Variants in USH1C observed in about 807,000 individuals in gnomAD.
The protein encoded by USH1C is harmonin.
USH1C carries 90 observed loss-of-function variants against 119.3 expected under a neutral mutation model. That is an observed-to-expected ratio of 0.75 (90% CI 0.64 to 0.90). USH1C has a LOEUF of 0.90. Ranked by LOEUF, USH1C falls within the 40% of genes least tolerant of loss-of-function variation. The pLI is 0.00. For synonymous variants in USH1C, 465 were observed against 443.3 expected, an observed-to-expected ratio of 1.05 and a Z score of -0.62; for missense variants, 1,165 against 1,167.7, an observed-to-expected ratio of 1.00 and a Z score of 0.03.
In USH1C at chr11:17,509,571, G is replaced by C. The variant is rs759687458; in HGVS notation, c.1798C>G (p.Pro600Ala). Residue 600 changes from proline to alanine, a missense_variant, in exon 18 of 27, where the codon CCA (proline) becomes GCA (alanine). By Grantham distance (27) the Pro-to-Ala change is conservative. Transcript: ENST00000005226. The stretch of plus-strand genomic sequence containing the variant: ...GGGGGAGGGATGGGAATGGGGGGTG[G>C]AGTGCGCTGCACCCATGGAGAGGAT... The part of the protein sequence containing the change: ...ASSSPWVQRT[P>A]PPIPIPPPPS... The C allele has an allele frequency of 1.2e-5, 19 of 1,597,980 alleles. No individual in the cohort carries two copies. The South Asian group carries it at 1.2e-4, about 10-fold the overall frequency.
rs75165004 is a variant in USH1C at position 17,524,157 on chromosome 11, G to A, written c.759+294C>T. On this transcript the variant is annotated intron_variant, in intron 9 of 26. Transcript: ENST00000005226. The stretch of plus-strand genomic sequence containing the variant: ...TTAACCCTCAGCATTCTTGTGAAGT[G>A]TAAAGGGCATGGAACAATGTCTGAT... 0.1 allele frequency among the ~76,000 whole-genome samples: 15,520 copies of A among 152,204 alleles called. 1,041 individuals are homozygous for A. Among genetic ancestry groups the A allele is most frequent in the African/African-American group, 0.19 (7,765 of 41,512 alleles).
Position 17,501,508 on chromosome 11 carries a change from C to G in USH1C, c.2254G>C (p.Asp752His), listed in dbSNP as rs766976437. The change falls in exon 22 of 27, where the codon GAT becomes CAT. Residue 752 changes from aspartate to histidine, a missense_variant. Coordinates refer to ENST00000005226, the MANE Select transcript of USH1C (RefSeq NM_153676.4). ...MFTPEQIMGKDVRLLRIKKEG... is the reference protein window; with the variant it reads ...MFTPEQIMGKHVRLLRIKKEG... Reference sequence around the variant, plus strand: ...TTCTTGATGCGTAGGAGCCGGACATCCTTCCCCATGATCTGCTCTGGGGTG... The same window carrying G: ...TTCTTGATGCGTAGGAGCCGGACATGCTTCCCCATGATCTGCTCTGGGGTG... 2.0e-5 allele frequency: 32 copies of G among 1,613,168 alleles called. No homozygotes were observed. In the South Asian group the frequency reaches 3.3e-4, roughly 17 times the overall value.
At chr11:17,527,416 G>C in intron 4 of USH1C, 85 bp from the exon 5 acceptor site, 1 of 1,108,858 alleles carries the variant, frequency 9.0e-7, no homozygotes, top group Non-Finnish European at 1.4e-6. Context: ...CTCCCGGACT[G>C]CTCTCCGGAA....
At chr11:17,520,789 T>A in intron 14 of USH1C, 81 bp downstream of exon 14, 1 of 1,536,328 alleles carries the variant, frequency 6.5e-7, no homozygotes, top group Non-Finnish European at 9.0e-7. Context: ...GCTATCCATC[T>A]AGGAGGTGGT....
At chr11:17,533,796 C>T (rs1054273481) in intron 1 of USH1C, 1 of 456,930 alleles carries the variant, frequency 2.2e-6, no homozygotes. Context: ...ATGCCACTCT[C>T]CAGAAGCCCC....
chr11:17,495,795 T>C, intron 25 of USH1C, 118 bp from the exon 26 acceptor site: 1 of 1,128,374 alleles, frequency 8.9e-7, no homozygotes, highest in Non-Finnish European at 1.3e-6. Context: ...GCCCCTGGGT[T>C]CCAGAATTAG....
Position 17,523,221 on chromosome 11 carries a change from A to G in USH1C, c.866T>C (p.Val289Ala), listed in dbSNP as rs1284669359. The change falls in exon 11 of 27, where the codon GTA becomes GCA. Residue 289 changes from valine (V) to alanine (A), a missense_variant. By Grantham distance (64) the Val-to-Ala change is moderately conservative. Coordinates refer to ENST00000005226, the MANE Select transcript of USH1C (RefSeq NM_153676.4). ...TCATTCTGGACTTACAGCTGCAGCT[A>G]CAATGGAGATGGTCAGGCTGCGGCT... The part of the protein sequence containing the change: ...KSSRSLTISI[V>A]AAAGRELFMT... 6.2e-7 allele frequency: 1 copy of G among 1,614,042 alleles called. No homozygotes were observed. Among genetic ancestry groups the G allele is most frequent in the African/African-American group, 1.3e-5 (1 of 74,954 alleles).
At chr11:17,499,242 G>A (rs1026572952) in intron 23 of USH1C, among the ~76,000 whole-genome samples, 3 of 152,164 alleles carry the variant, frequency 2.0e-5, no homozygotes, top group Non-Finnish European at 2.9e-5. Context: ...GATCACCCAG[G>A]AGCCTTGTGG....
Position 17,494,891 on chromosome 11 carries a change from A to G in USH1C, c.2656-515T>C, listed in dbSNP as rs186430419. The G allele has an allele frequency of 4.1e-3, 984 of 240,462 alleles. 13 individuals are homozygous for G. The highest frequency in any genetic ancestry group is 0.021 in the African/African-American group (938 of 45,212). The allele number at this position is 240,462 out of a possible 1,614,324, so 14.9% of individuals were successfully genotyped here. On this transcript the variant is annotated intron_variant, in intron 26 of 26. Transcript: ENST00000005226. ...TATCACAGGGTGAGAAACACATCCT[A>G]CAGCTGGGTTCCACGGTATATCCCA...
At chr11:17,508,794 T>A (rs1318533169) in intron 18 of USH1C, among the ~76,000 whole-genome samples, 1 of 152,220 alleles carries the variant, frequency 6.6e-6, no homozygotes. Flanking sequence ...TTCTGGGTAT[T>A]ACACTTCAAG....
intron 26 of USH1C, 103 bp downstream of exon 26, chr11:17,495,466 C>A: frequency 8.2e-7 from 1 of 1,212,858 alleles, no homozygotes; most frequent in Non-Finnish European, 1.2e-6. Flanking sequence ...CCTTGTGTAC[C>A]CTCCAGACGC....
At chr11:17,544,150 G>C in intron 1 of USH1C, 122 bp downstream of exon 1, 2 of 1,358,392 alleles carry the variant, frequency 1.5e-6, no homozygotes, top group South Asian at 2.4e-5. Context: ...GGGTGTCCCA[G>C]CCCAACCAGA....
chr11:17,509,602 G>T lies in USH1C; in HGVS notation c.1767C>A (p.Ser589Arg), dbSNP rs770217616. Residue 589 changes from serine (S) to arginine (R), a missense_variant, in exon 18 of 27, where the codon AGC (serine) becomes AGA (arginine). Physicochemically the swap from Ser to Arg is moderately radical, Grantham distance 110 (BLOSUM62 -1). Transcript: ENST00000005226. ...GCTGCACCCATGGAGAGGATGAGGC[G>T]CTCACATGGCCAGATAAGGGAAGGA... ...PPVLPLSGHV[S>R]ASSSPWVQRT... 1.1e-5 allele frequency: 17 copies of T among 1,597,856 alleles called. No individual in the cohort carries two copies. Among genetic ancestry groups the T allele is most frequent in the Admixed American group, 1.0e-4 (6 of 58,360 alleles).
At position 17,531,181 on chromosome 11, in the gene USH1C, G is replaced by A. The variant is rs140869579; in HGVS notation, c.360C>T (p.Gly120=). The A allele has an allele frequency of 8.4e-5, 136 of 1,614,116 alleles. No individual in the cohort carries two copies. In the African/African-American group the frequency reaches 1.5e-3, roughly 18 times the overall value. The change falls in exon 4 of 27, where the codon GGC becomes GGT. Residue 120 remains glycine (G), a synonymous_variant. Transcript: ENST00000005226. The surrounding 1 kb of genome is among the most constrained non-coding windows in gnomAD (Gnocchi z 4.2). ...CGLFISHLIK[G]GQADSVGLQV... is the part of the protein sequence containing the mutation. The stretch of plus-strand genomic sequence containing the variant: ...GGAGCCCGACGCTGTCTGCCTGACC[G>A]CCTTTGATGAGGTGGGAGATGAAGA...
In USH1C at chr11:17,531,443, C is replaced by A. The variant is rs140945339; in HGVS notation, c.204G>T (p.Leu68=). Residue 68 remains leucine, a synonymous_variant, in exon 3 of 27, where the codon CTG becomes CTT. Transcript: ENST00000005226. The surrounding 1 kb of genome is among the most constrained non-coding windows in gnomAD (Gnocchi z 4.2). ...LFDAIRPLIP[L]KHQVEYDQLT... ...GCTGATCATATTCCACCTGGTGCTT[C>A]AGTGGGATCAGCGGCCGAATGGCAT... 2.5e-6 allele frequency: 4 copies of A among 1,613,990 alleles called. No individual in the cohort carries two copies. The African/African-American group carries it at 5.3e-5, about 22-fold the overall frequency.
At chr11:17,507,432 C>CTT (rs1408967714) in intron 18 of USH1C, among the ~76,000 whole-genome samples, 1 of 152,232 alleles carries the variant, frequency 6.6e-6, no homozygotes, top group Non-Finnish European at 1.5e-5. Context: ...AGTCTGGACT[C>CTT]TGTCTTGAAT....
At position 17,506,760 on chromosome 11, in the gene USH1C, C is replaced by T. The variant is rs1294714880; in HGVS notation, c.2014-811G>A. ...TTCTGGAAGCCTCCCTTGAGCTTTT[C>T]CTCTACTCCAGCCCTCTTCCTTATT... On this transcript the variant is annotated intron_variant, in intron 18 of 26. Coordinates refer to ENST00000005226, the MANE Select transcript of USH1C (RefSeq NM_153676.4). Among the ~76,000 whole-genome samples, 4 of 152,198 alleles carry T rather than the reference C, an allele frequency of 2.6e-5. No individual in the cohort carries two copies. In the East Asian group the frequency reaches 5.8e-4, roughly 22 times the overall value.
At chr11:17,498,853 T>A (rs1009419908) in intron 23 of USH1C, among the ~76,000 whole-genome samples, 1 of 152,244 alleles carries the variant, frequency 6.6e-6, no homozygotes, top group East Asian at 1.9e-4. Context: ...TTACTGATGG[T>A]CTCTCCCACC....
intron 1 of USH1C, among the ~76,000 whole-genome samples, chr11:17,537,673 C>T (rs17715485): frequency 0.041 from 6,187 of 152,270 alleles, 199 homozygotes; most frequent in Non-Finnish European, 0.064. Context: ...TGAATCCTGC[C>T]TTCATTTCAG....
Sources: gnomAD v4.1 joint callset for allele counts (sites outside exome capture counted in the v4.1 genomes callset) on GRCh38, gnomAD v4.1.1 for gene constraint, Gnocchi (gnomAD v3.1) non-coding constraint, MANE v1.5 for transcripts, NCBI Gene and HGNC (gene_info 2026-07-23, HGNC 2026-07-21) for gene names.